Variants in CALN1 observed in about 807,000 individuals in gnomAD.
CALN1 encodes the protein calcium-binding protein 8.
In CALN1, 17 loss-of-function variants were observed where a neutral mutation model predicts 30.6. The ratio of observed to expected loss-of-function variants is 0.56; its 90% CI spans 0.38 to 0.83. The LOEUF (loss-of-function observed/expected upper bound fraction) is 0.83. Ranked by LOEUF, CALN1 falls within the 40% of genes least tolerant of loss-of-function variation. The pLI is 0.00. For missense variants in CALN1, 291 were observed against 354.9 expected (o/e 0.82, Z 1.45); for synonymous variants, 156 against 131.4 (o/e 1.19, Z -1.28).
At chr7:72,003,645 T>C (rs143880099) in intron 5 of CALN1, among the ~76,000 whole-genome samples, 23 of 152,346 alleles carry the variant, frequency 1.5e-4, no homozygotes, top group African/African-American at 5.5e-4. Context: ...GAGAATCTAA[T>C]GCCTGATGAT....
At chr7:72,292,514 A>G (rs1562848271) in intron 2 of CALN1, among the ~76,000 whole-genome samples, 1 of 150,332 alleles carries the variant, frequency 6.7e-6, no homozygotes, top group Non-Finnish European at 1.5e-5. Context: ...ATACCATCAC[A>G]TTGGCAATAA....
chr7:72,237,626 T>C (rs758691254), intron 3 of CALN1, among the ~76,000 whole-genome samples: 4 of 152,140 alleles, frequency 2.6e-5, no homozygotes, highest in Admixed American at 2.0e-4. Context: ...CTTTTTAAGG[T>C]TCTTGGGGCT....
At chr7:71,924,781 A>G (rs1795175526) in intron 5 of CALN1, among the ~76,000 whole-genome samples, 1 of 152,072 alleles carries the variant, frequency 6.6e-6, no homozygotes, top group Non-Finnish European at 1.5e-5. Flanking sequence ...TTTTCTCTCC[A>G]ATCTTTTGTT....
chr7:72,055,043 G>A (rs535709029), intron 4 of CALN1, among the ~76,000 whole-genome samples: 1 of 152,306 alleles, frequency 6.6e-6, no homozygotes, highest in South Asian at 2.1e-4. Context: ...ACGGATGGAA[G>A]AGAAATGCTG....
chr7:72,030,886 A>G (rs775858593), intron 4 of CALN1, among the ~76,000 whole-genome samples: 1 of 152,090 alleles, frequency 6.6e-6, no homozygotes, highest in South Asian at 2.1e-4. Flanking sequence ...ACCTGGAACT[A>G]CAGGAGCATG....
chr7:72,287,846 A>G (rs913564103), intron 2 of CALN1, among the ~76,000 whole-genome samples: 17 of 152,122 alleles, frequency 1.1e-4, no homozygotes, highest in Non-Finnish European at 2.9e-5. Flanking sequence ...GTCTCTTCAT[A>G]TATATTTGCA....
At chr7:72,360,332 CAA>C (rs1220223354) in intron 2 of CALN1, among the ~76,000 whole-genome samples, 2 of 151,848 alleles carry the variant, frequency 1.3e-5, no homozygotes, top group Admixed American at 6.6e-5. Context: ...TCAAATGGTT[CAA>C]GAGAGAGTAG....
At chr7:72,237,110 G>A (rs896815582) in intron 3 of CALN1, among the ~76,000 whole-genome samples, 11 of 151,434 alleles carry the variant, frequency 7.3e-5, no homozygotes, top group African/African-American at 2.4e-4. Context: ...TCAGCCTCCC[G>A]AGTAGCTGAG....
intron 3 of CALN1, among the ~76,000 whole-genome samples, chr7:72,190,082 G>A (rs757753495): frequency 5.9e-4 from 90 of 152,304 alleles, no homozygotes; most frequent in East Asian, 5.8e-4. Flanking sequence ...ACTGCCAGGT[G>A]CAGTGGTTCA....
At chr7:72,435,606 C>T (rs928759105) in intron 1 of CALN1, among the ~76,000 whole-genome samples, 8 of 152,190 alleles carry the variant, frequency 5.3e-5, no homozygotes, top group Non-Finnish European at 1.2e-4. Flanking sequence ...AGGCCAGCAG[C>T]GCTCTGTGAA....
At chr7:72,192,486 G>A (rs1190139414) in intron 3 of CALN1, among the ~76,000 whole-genome samples, 1 of 152,134 alleles carries the variant, frequency 6.6e-6, no homozygotes. Flanking sequence ...AGCAGTGAAA[G>A]ATGTTTATGC....
chr7:72,298,460 CAT>C (rs1256278676), intron 2 of CALN1, among the ~76,000 whole-genome samples: 1 of 152,158 alleles, frequency 6.6e-6, no homozygotes, highest in African/African-American at 2.4e-5. Flanking sequence ...TGCTCTAACT[CAT>C]AGAGTAACTA....
At chr7:71,866,213 T>A (rs984697495) in intron 5 of CALN1, among the ~76,000 whole-genome samples, 2 of 151,974 alleles carry the variant, frequency 1.3e-5, no homozygotes, top group African/African-American at 4.8e-5. Flanking sequence ...TTCACCATGT[T>A]AGCCAGGATG....
At chr7:72,337,309 T>C (rs1314778734) in intron 2 of CALN1, 2 of 983,782 alleles carry the variant, frequency 2.0e-6, no homozygotes, top group African/African-American at 3.5e-5. Context: ...CCCCAGCTCC[T>C]CCGAGGGTCG....
chr7:72,249,295 A>G (rs2129551900), intron 3 of CALN1, among the ~76,000 whole-genome samples: 1 of 152,254 alleles, frequency 6.6e-6, no homozygotes, highest in African/African-American at 2.4e-5. Context: ...AGCACCAGAC[A>G]CCTGCCCATA....
chr7:72,149,553 C>T (rs996489043), intron 3 of CALN1, among the ~76,000 whole-genome samples: 3 of 152,118 alleles, frequency 2.0e-5, no homozygotes, highest in Non-Finnish European at 4.4e-5. Flanking sequence ...AACACAAAAA[C>T]AGATTAACAC....
chr7:72,382,417 G>A (rs544675081), intron 2 of CALN1, among the ~76,000 whole-genome samples: 54 of 152,330 alleles, frequency 3.5e-4, no homozygotes, highest in African/African-American at 1.2e-3. Context: ...GTGAGTGACA[G>A]ACTGTCAGAA....
At chr7:71,933,390 G>C (rs1360116270) in intron 5 of CALN1, among the ~76,000 whole-genome samples, 4 of 152,100 alleles carry the variant, frequency 2.6e-5, no homozygotes, top group African/African-American at 4.8e-5. Context: ...GCCGCCGGCT[G>C]GTCTTTCCTT....
intron 2 of CALN1, among the ~76,000 whole-genome samples, chr7:72,312,993 C>A (rs542978999): frequency 2.0e-5 from 3 of 152,220 alleles, no homozygotes; most frequent in Admixed American, 2.0e-4. Flanking sequence ...TGCCACCATA[C>A]CCGGCTAATT....
Sources: allele counts gnomAD v4.1 joint callset (sites outside exome capture counted in the v4.1 genomes callset), GRCh38; gene constraint gnomAD v4.1.1; transcripts MANE v1.5; gene names NCBI Gene and HGNC (gene_info 2026-07-23, HGNC 2026-07-21).